Variants in ADGRL3 observed in about 807,000 individuals in gnomAD.
The protein encoded by ADGRL3 is calcium-independent alpha-latrotoxin receptor 3.
In ADGRL3, 62 loss-of-function variants were observed where a neutral mutation model predicts 153.5. The observed-to-expected ratio is 0.40, with a 90% CI of 0.33 to 0.50. The LOEUF (loss-of-function observed/expected upper bound fraction) is 0.50, where lower values mean the gene tolerates loss of function less well. Ranked by LOEUF, ADGRL3 falls within the 20% of genes least tolerant of loss-of-function variation. The probability of loss-of-function intolerance (pLI) is 0.47; values close to 1 mark genes in which losing one functional copy is unlikely to be tolerated. For missense variants in ADGRL3, 1,641 were observed against 1,859.4 expected (o/e 0.88, Z 2.16); for synonymous variants, 710 against 672.5 (o/e 1.06, Z -0.86).
rs374319133 is a variant in ADGRL3 at position 62,008,802 on chromosome 4, G to A, written c.3395+10537G>A. On this transcript the variant is annotated intron_variant, in intron 21 of 26. Transcript: ENST00000683033. ...TCAAAATAGATACACGCATATCCAG[G>A]CACACAGTCATGTACTGCATAATGA... Among the ~76,000 whole-genome samples the A allele has an allele frequency of 1.2e-4, 18 of 151,754 alleles. 1 individual carries two copies. The highest frequency in any genetic ancestry group is 4.3e-4 in the African/African-American group (18 of 41,392).
At chr4:61,970,506 C>T (rs1465056193) in intron 17 of ADGRL3, among the ~76,000 whole-genome samples, 2 of 151,938 alleles carry the variant, frequency 1.3e-5, no homozygotes, top group Non-Finnish European at 2.9e-5. Context: ...AAGAAGATCG[C>T]CAATAACTTA....
intron 9 of ADGRL3, among the ~76,000 whole-genome samples, chr4:61,877,245 C>T (rs1248534741): frequency 2.0e-5 from 3 of 152,134 alleles, no homozygotes; most frequent in African/African-American, 4.8e-5. Flanking sequence ...CACACAACAA[C>T]GTGGGTGGAC....
intron 9 of ADGRL3, among the ~76,000 whole-genome samples, chr4:61,858,924 T>C (rs973626769): frequency 1.3e-5 from 2 of 152,140 alleles, no homozygotes; most frequent in African/African-American, 4.8e-5. Context: ...TTTGGATTGA[T>C]GGGGATAAAA....
At chr4:62,023,978 A>T (rs1716834149) in intron 21 of ADGRL3, among the ~76,000 whole-genome samples, 1 of 152,150 alleles carries the variant, frequency 6.6e-6, no homozygotes, top group South Asian at 2.1e-4. Context: ...TTAATTGTAT[A>T]AATGAAGTAC....
intron 26 of ADGRL3, among the ~76,000 whole-genome samples, chr4:62,068,977 TAAG>T (rs972719665): frequency 1.7e-4 from 26 of 152,188 alleles, no homozygotes; most frequent in African/African-American, 6.3e-4. Context: ...AGCAATATAT[TAAG>T]AAGTTTAATA....
intron 1 of ADGRL3, among the ~76,000 whole-genome samples, chr4:61,309,741 A>G (rs905907636): frequency 6.6e-6 from 1 of 152,242 alleles, no homozygotes; most frequent in Non-Finnish European, 1.5e-5. Context: ...CACCCAAAAA[A>G]GTGAAAGATA....
chr4:62,070,776 C>A lies in ADGRL3; in HGVS notation c.4500C>A (p.His1500Gln), dbSNP rs748430047. 5.8e-6 allele frequency: 9 copies of A among 1,551,500 alleles called. No individual in the cohort carries two copies. The South Asian group carries it at 1.1e-4, about 18-fold the overall frequency. ...KSMPNLGSRN[H>Q]VHQLHTYYQL... ...TGCCAAACCTAGGCTCCAGAAACCA[C>A]GTCCATCAGCTGCATACTTACTACC... is the stretch of plus-strand genomic sequence containing the variant. The change falls in exon 27 of 27, where the codon CAC becomes CAA. Residue 1500 changes from histidine to glutamine, a missense_variant. His to Gln is a conservative substitution (Grantham distance 24). Transcript: ENST00000683033.
chr4:61,379,725 A>T (rs1381665672), intron 1 of ADGRL3, among the ~76,000 whole-genome samples: 1 of 152,052 alleles, frequency 6.6e-6, no homozygotes, highest in East Asian at 1.9e-4. Flanking sequence ...TTCCATCTTA[A>T]TTCCACATTA....
In ADGRL3 at chr4:61,546,792, C is replaced by CA. The variant is rs565334609; in HGVS notation, c.259+29282dup. 4.8e-3 allele frequency among the ~76,000 whole-genome samples: 727 copies of CA among 151,624 alleles called. 5 individuals are homozygous for CA. The highest frequency in any genetic ancestry group is 7.8e-3 in the Non-Finnish European group (532 of 67,834). On this transcript the variant is annotated intron_variant, in intron 4 of 26. Coordinates refer to ENST00000683033, the MANE Select transcript of ADGRL3 (RefSeq NM_001387552.1). ...TGTAGCTGTTACATTGTGAATAGCA[C>CA]AAAAAAAATTGAAGAAATAGTCCAG...
intron 2 of ADGRL3, among the ~76,000 whole-genome samples, chr4:61,454,544 T>G (rs1332116426): frequency 2.0e-5 from 3 of 152,248 alleles, no homozygotes; most frequent in East Asian, 1.9e-4. Flanking sequence ...TAACCTTGGA[T>G]AGTTAACATG....
At chr4:61,498,946 T>G (rs1250984994) in intron 3 of ADGRL3, among the ~76,000 whole-genome samples, 3 of 152,204 alleles carry the variant, frequency 2.0e-5, no homozygotes, top group Non-Finnish European at 2.9e-5. Flanking sequence ...CTCTCATATG[T>G]TGATGATAAT....
At chr4:61,670,826 A>T (rs1043633110) in intron 5 of ADGRL3, among the ~76,000 whole-genome samples, 22 of 152,146 alleles carry the variant, frequency 1.4e-4, no homozygotes, top group African/African-American at 4.8e-4. Context: ...TTGATTACCC[A>T]TGAGTGCCTA....
chr4:61,813,657 A>C (rs2097655977), intron 8 of ADGRL3, among the ~76,000 whole-genome samples, 152 bp from the exon 9 acceptor site: 1 of 152,214 alleles, frequency 6.6e-6, no homozygotes, highest in South Asian at 2.1e-4. Context: ...TTCGGATGAC[A>C]CATTGTTTTT....
chr4:61,961,585 T>C (rs769058849), intron 17 of ADGRL3, among the ~76,000 whole-genome samples: 16 of 152,050 alleles, frequency 1.1e-4, no homozygotes, highest in Non-Finnish European at 2.1e-4. Flanking sequence ...TTGTTGTGAA[T>C]AGGAAAAAAT....
At chr4:61,965,067 C>G (rs1469673370) in intron 17 of ADGRL3, among the ~76,000 whole-genome samples, 1 of 152,070 alleles carries the variant, frequency 6.6e-6, no homozygotes, top group Non-Finnish European at 1.5e-5. Flanking sequence ...GTGGCATGAT[C>G]ATGGTTCACC....
In ADGRL3 at chr4:61,909,455, C is replaced by CT. The variant is rs2098711761; in HGVS notation, c.1888-103dup. 6 of 724,804 alleles carry CT rather than the reference C, an allele frequency of 8.3e-6. No individual in the cohort carries two copies. The East Asian group carries it at 1.8e-4, about 21-fold the overall frequency. The allele number at this position is 724,804 out of a possible 1,614,324, so 44.9% of individuals were successfully genotyped here. The stretch of plus-strand genomic sequence containing the variant: ...TGAAGATGAAGTTTAACAACTATTT[C>CT]TTGAATCGATGATTACAATTACATG... On this transcript the variant is annotated intron_variant, in intron 11 of 26. Coordinates refer to ENST00000683033, the MANE Select transcript of ADGRL3 (RefSeq NM_001387552.1).
chr4:61,854,438 C>G (rs2098240852), intron 9 of ADGRL3, among the ~76,000 whole-genome samples: 1 of 152,006 alleles, frequency 6.6e-6, no homozygotes. Flanking sequence ...CAGGAGCAGT[C>G]AAACTAAAAG....
chr4:61,340,157 C>A (rs1449375718), intron 1 of ADGRL3, among the ~76,000 whole-genome samples: 1 of 152,160 alleles, frequency 6.6e-6, no homozygotes, highest in Non-Finnish European at 1.5e-5. Context: ...ACAGGACATG[C>A]ATCAGAGTCA....
intron 8 of ADGRL3, among the ~76,000 whole-genome samples, chr4:61,787,378 C>T (rs752110568): frequency 1.3e-5 from 2 of 151,228 alleles, no homozygotes; most frequent in Non-Finnish European, 2.9e-5. Flanking sequence ...AAAAAAAAAG[C>T]ATAGGTACAT....
Sources: allele counts gnomAD v4.1 joint callset (sites outside exome capture counted in the v4.1 genomes callset), GRCh38; gene constraint gnomAD v4.1.1; transcripts MANE v1.5; gene names NCBI Gene and HGNC (gene_info 2026-07-23, HGNC 2026-07-21).